CLSTN2: variants seen among roughly 807,000 people sequenced by gnomAD.
CLSTN2 encodes the protein calsyntenin-2.
In CLSTN2, 48 loss-of-function variants were observed where a neutral mutation model predicts 101.2. The observed-to-expected ratio is 0.47, with a 90% CI of 0.38 to 0.60. The LOEUF (loss-of-function observed/expected upper bound fraction) is 0.60, where lower values mean the gene tolerates loss of function less well. Ranked by LOEUF, CLSTN2 falls within the 20% of genes least tolerant of loss-of-function variation. CLSTN2 has a pLI of 0.00. For synonymous variants in CLSTN2, 481 were observed against 463.6 expected (o/e 1.04, Z -0.48); for missense variants, 1,160 against 1,238.2 (o/e 0.94, Z 0.95).
intron 1 of CLSTN2, among the ~76,000 whole-genome samples, chr3:140,012,173 G>C (rs1208337443): frequency 6.6e-6 from 1 of 152,050 alleles, no homozygotes; most frequent in East Asian, 1.9e-4. Flanking sequence ...AGCGGGTCCA[G>C]AGTGAGTGCT....
intron 2 of CLSTN2, among the ~76,000 whole-genome samples, chr3:140,398,223 C>T (rs2088204072): frequency 6.6e-6 from 1 of 152,168 alleles, no homozygotes; most frequent in South Asian, 2.1e-4. Flanking sequence ...AACCAGCATA[C>T]TTTGCCATGC....
chr3:140,094,290 A>G (rs2008831110), intron 1 of CLSTN2, among the ~76,000 whole-genome samples: 1 of 152,198 alleles, frequency 6.6e-6, no homozygotes, highest in East Asian at 1.9e-4. Flanking sequence ...GGGCAGAGCC[A>G]AGCGTCAGAC....
intron 8 of CLSTN2, among the ~76,000 whole-genome samples, chr3:140,529,712 C>G (rs1935215039): frequency 6.6e-6 from 1 of 152,156 alleles, no homozygotes; most frequent in African/African-American, 2.4e-5. Flanking sequence ...TTTGTATGAG[C>G]TAAAAGATTG....
intron 1 of CLSTN2, among the ~76,000 whole-genome samples, chr3:140,019,248 GT>G (rs1202429582): frequency 6.6e-6 from 1 of 152,198 alleles, no homozygotes; most frequent in African/African-American, 2.4e-5. Context: ...TTTGTGAGGT[GT>G]TGTTTAGATG....
intron 1 of CLSTN2, among the ~76,000 whole-genome samples, chr3:139,967,874 A>T (rs1043799159): frequency 6.6e-6 from 1 of 152,138 alleles, no homozygotes; most frequent in Non-Finnish European, 1.5e-5. Context: ...CCCATTTTTC[A>T]GGGGGCCAAT....
intron 8 of CLSTN2, among the ~76,000 whole-genome samples, chr3:140,500,660 C>T (rs2107762152): frequency 6.6e-6 from 1 of 152,310 alleles, no homozygotes; most frequent in Middle Eastern, 3.4e-3. Flanking sequence ...AAGCTGGGCT[C>T]TGGTCCCAGT....
intron 2 of CLSTN2, among the ~76,000 whole-genome samples, chr3:140,385,357 C>CTTTTTTTT (rs546696189): frequency 3.4e-4 from 25 of 72,834 alleles, no homozygotes; most frequent in African/African-American, 1.5e-3. Flanking sequence ...CCCTGATGTT[C>CTTTTTTTT]TTTTTTTTTT....
chr3:140,113,709 C>T (rs1360516389), intron 1 of CLSTN2, among the ~76,000 whole-genome samples: 1 of 152,150 alleles, frequency 6.6e-6, no homozygotes, highest in African/African-American at 2.4e-5. Context: ...CATAATCATT[C>T]CTATTTCACA....
At chr3:140,175,472 T>G (rs2107828511) in intron 1 of CLSTN2, among the ~76,000 whole-genome samples, 1 of 152,304 alleles carries the variant, frequency 6.6e-6, no homozygotes, top group East Asian at 1.9e-4. Context: ...ATGCAGTAAC[T>G]TCTAATGATG....
chr3:140,193,192 T>C (rs1192045892), intron 2 of CLSTN2, among the ~76,000 whole-genome samples: 1 of 151,480 alleles, frequency 6.6e-6, no homozygotes, highest in Non-Finnish European at 1.5e-5. Context: ...AGGGCTTTTG[T>C]ATTTACCATT....
At chr3:140,475,438 A>G (rs1933961956) in intron 8 of CLSTN2, among the ~76,000 whole-genome samples, 1 of 152,160 alleles carries the variant, frequency 6.6e-6, no homozygotes. Flanking sequence ...TTCCTTGAAG[A>G]GCTGATTTCT....
intron 2 of CLSTN2, among the ~76,000 whole-genome samples, chr3:140,224,883 A>C: frequency 6.6e-6 from 1 of 152,206 alleles, no homozygotes. Context: ...GATTAGAGAG[A>C]CTAGTGAAAA....
intron 2 of CLSTN2, among the ~76,000 whole-genome samples, chr3:140,253,838 A>C (rs1347804344): frequency 6.6e-6 from 1 of 151,760 alleles, no homozygotes; most frequent in Non-Finnish European, 1.5e-5. Context: ...GTCCTCTAAG[A>C]CTTGTGGGAT....
intron 6 of CLSTN2, chr3:140,454,276 C>T (rs1403399507): frequency 6.6e-6 from 1 of 152,136 alleles, no homozygotes; most frequent in Non-Finnish European, 1.5e-5. Context: ...AAAAACATAC[C>T]AAGCTGGAAA....
chr3:140,449,020 C>T (rs907444170), intron 6 of CLSTN2, among the ~76,000 whole-genome samples: 1 of 152,106 alleles, frequency 6.6e-6, no homozygotes, highest in Non-Finnish European at 1.5e-5. Context: ...TAGGTCAGGG[C>T]CCAAAGAAAC....
At chr3:140,406,264 G>T (rs187887373) in intron 4 of CLSTN2, among the ~76,000 whole-genome samples, 1 of 152,350 alleles carries the variant, frequency 6.6e-6, no homozygotes, top group Non-Finnish European at 1.5e-5. Flanking sequence ...GACTGCGGCA[G>T]ATGCCATAGG....
chr3:140,562,811 G>A lies in CLSTN2; in HGVS notation c.2213G>A (p.Gly738Asp), dbSNP rs1194363326. The change falls in exon 14 of 17, where the codon GGT (glycine) becomes GAT (aspartate). Residue 738 changes from glycine to aspartate, a missense_variant and splice_region_variant. Transcript: ENST00000458420. ...TNSTAGYSIYGVGSMSRYEQV... is the reference protein window; with the variant it reads ...TNSTAGYSIYDVGSMSRYEQV... ...TGACAGGTGTGGTCTCTTGGCACAG[G>A]TGTGGGCTCCATGAGCCGCTATGAG... is the stretch of plus-strand genomic sequence containing the variant. The A allele has an allele frequency of 1.9e-6, 3 of 1,613,804 alleles. No homozygotes were observed.
chr3:140,010,974 TA>T (rs1293966524), intron 1 of CLSTN2, among the ~76,000 whole-genome samples: 2 of 152,216 alleles, frequency 1.3e-5, no homozygotes, highest in African/African-American at 2.4e-5. Flanking sequence ...TTCTGGGGGT[TA>T]CAGTGAGCAT....
At chr3:140,273,211 G>C (rs1006263208) in intron 2 of CLSTN2, among the ~76,000 whole-genome samples, 9 of 151,978 alleles carry the variant, frequency 5.9e-5, no homozygotes, top group African/African-American at 2.2e-4. Flanking sequence ...GAACCTGTCG[G>C]GGGGTGGGGG....
Sources: gnomAD v4.1 joint callset for allele counts (sites outside exome capture counted in the v4.1 genomes callset) on GRCh38, gnomAD v4.1.1 for gene constraint, MANE v1.5 for transcripts, NCBI Gene and HGNC (gene_info 2026-07-23, HGNC 2026-07-21) for gene names.